The following WDR11 variants were observed in gnomAD, a reference collection of about 807,000 sequenced individuals.
The protein encoded by WDR11 is WD repeat-containing protein 11.
WDR11 carries 83 observed loss-of-function variants against 151.2 expected under a neutral mutation model. The ratio of observed to expected loss-of-function variants is 0.55; its 90% CI spans 0.46 to 0.66. The LOEUF (loss-of-function observed/expected upper bound fraction) is 0.66, where lower values mean the gene tolerates loss of function less well. Among genes scored for constraint, WDR11 ranks in the 30% least tolerant of loss-of-function variants. The probability of loss-of-function intolerance (pLI) is 0.00; values close to 1 mark genes in which losing one functional copy is unlikely to be tolerated. For synonymous variants in WDR11, 484 were observed against 533.1 expected, an observed-to-expected ratio of 0.91 and a Z score of 1.27; for missense variants, 1,301 against 1,480.9, an observed-to-expected ratio of 0.88 and a Z score of 1.99.
chr10:120,871,200 C>T lies in WDR11; in HGVS notation c.1325C>T (p.Pro442Leu), dbSNP rs775582830. 6.2e-7 allele frequency: 1 copy of T among 1,613,984 alleles called. No individual in the cohort carries two copies. The highest frequency in any genetic ancestry group is 8.5e-7 in the Non-Finnish European group (1 of 1,179,990). The change falls in exon 10 of 29, where the codon CCC becomes CTC. Residue 442 changes from proline to leucine, a missense_variant. Pro to Leu is a moderately conservative substitution (Grantham distance 98, BLOSUM62 -3). Transcript: ENST00000263461. Reference sequence around the variant, plus strand: ...AGTGCAATTGCTGGGGAAGAACATCCCAGAGGTTCAATTCTGCGGGAAGTG... The same window carrying T: ...AGTGCAATTGCTGGGGAAGAACATCTCAGAGGTTCAATTCTGCGGGAAGTG... Reference protein sequence around the residue: ...GQSAIAGEEHPRGSILREVHL... With the variant: ...GQSAIAGEEHLRGSILREVHL...
At chr10:120,876,008 C>T (rs1487563798) in intron 11 of WDR11, among the ~76,000 whole-genome samples, 13 of 93,888 alleles carry the variant, frequency 1.4e-4, no homozygotes, top group Admixed American at 3.2e-4. Context: ...GTTGGAGTTT[C>T]GCTCTTGTTG....
intron 4 of WDR11, 96 bp from the exon 5 acceptor site, chr10:120,862,639 A>C: frequency 3.2e-6 from 4 of 1,267,212 alleles, no homozygotes; most frequent in Non-Finnish European, 4.6e-6. Context: ...TATATTATTA[A>C]AATTATCACT....
At chr10:120,898,898 C>A (rs3781247) in intron 19 of WDR11, among the ~76,000 whole-genome samples, 56,571 of 151,998 alleles carry the variant, frequency 0.37, 10,620 homozygotes, top group Admixed American at 0.44. Flanking sequence ...CTTAAATAAG[C>A]CAACACCATG....
intron 2 of WDR11, among the ~76,000 whole-genome samples, chr10:120,857,885 C>T (rs1462602566): frequency 6.6e-6 from 1 of 151,864 alleles, no homozygotes; most frequent in Non-Finnish European, 1.5e-5. Flanking sequence ...CATGAATAGG[C>T]AAAAAGAATG....
At position 120,859,371 on chromosome 10, in the gene WDR11, C is replaced by T. The variant is rs561460437; in HGVS notation, c.352+575C>T. On this transcript the variant is annotated intron_variant, in intron 3 of 28. Transcript: ENST00000263461. ...CAAACTCTGCCTCCTGGGTTCACGC[C>T]ATTCTCCTGCCTCAGCCTCCCGAGT... Among the ~76,000 whole-genome samples, 17 of 151,300 alleles carry T rather than the reference C, an allele frequency of 1.1e-4. No homozygotes were observed. In the East Asian group the frequency reaches 2.9e-3, roughly 26 times the overall value.
At chr10:120,890,951 T>C (rs1330908353) in intron 19 of WDR11, 64 bp downstream of exon 19, 67 of 1,530,346 alleles carry the variant, frequency 4.4e-5, no homozygotes, top group Non-Finnish European at 9.0e-7. Flanking sequence ...GCTCTTGTAT[T>C]TTGGGGAGAG....
Position 120,904,536 on chromosome 10 carries a change from T to G in WDR11, c.3028-110T>G, listed in dbSNP as rs1317654610. 8 of 1,333,278 alleles carry G rather than the reference T, an allele frequency of 6.0e-6. No homozygotes were observed. The African/African-American group carries it at 1.0e-4, about 17-fold the overall frequency. 82.6% of individuals were successfully genotyped at this position (1,333,278 alleles called of 1,614,324 possible). A position where few individuals can be genotyped will look rare whatever the true frequency, so the allele number is the denominator to read the frequency against. ...TGTATTTGTAAACAAAATATTCAAT[T>G]GCATTTTTTGAAAATGAGTGTTTTC... On this transcript the variant is annotated intron_variant, in intron 24 of 28. Coordinates refer to ENST00000263461, the MANE Select transcript of WDR11 (RefSeq NM_018117.12).
intron 16 of WDR11, among the ~76,000 whole-genome samples, chr10:120,887,844 A>G (rs1276983238): frequency 2.6e-5 from 4 of 152,264 alleles, no homozygotes; most frequent in African/African-American, 9.6e-5. Flanking sequence ...TTCAAAGGCA[A>G]CTTCTTAATT....
intron 15 of WDR11, among the ~76,000 whole-genome samples, 186 bp from the exon 16 acceptor site, chr10:120,886,503 T>A (rs1281803011): frequency 6.6e-6 from 1 of 152,178 alleles, no homozygotes; most frequent in African/African-American, 2.4e-5. Flanking sequence ...TCCTCTGATG[T>A]TGTGGCTGTT....
chr10:120,851,458 G>A lies in WDR11; in HGVS notation c.38G>A (p.Arg13His). The change falls in exon 1 of 29, where the codon CGC becomes CAC. Residue 13 changes from arginine to histidine, a missense_variant. By Grantham distance (29) the Arg-to-His change is conservative (BLOSUM62 0). Around this residue, in one of 3 missense-constraint regions of WDR11, gnomAD observed 692 missense variants for 762.5 expected, o/e 0.91. Coordinates refer to ENST00000263461, the MANE Select transcript of WDR11 (RefSeq NM_018117.12). ...ACAGTGAACTTCAAGGTGTCGGCGC[G>A]CACCCTCACGGGGGCCCTCAACGCC... is the stretch of plus-strand genomic sequence containing the variant. ...PYTVNFKVSA[R>H]TLTGALNAHN... 6.2e-7 allele frequency: 1 copy of A among 1,612,150 alleles called. No individual in the cohort carries two copies. Among genetic ancestry groups the A allele is most frequent in the South Asian group, 1.1e-5 (1 of 90,594 alleles).
Position 120,908,797 on chromosome 10 carries a change from A to G in WDR11, c.*84A>G. 2.0e-6 allele frequency: 3 copies of G among 1,490,470 alleles called. No homozygotes were observed. The highest frequency in any genetic ancestry group is 1.1e-5 in the South Asian group (1 of 88,324). 92.3% of individuals were successfully genotyped at this position (1,490,470 alleles called of 1,614,324 possible). A position where few individuals can be genotyped will look rare whatever the true frequency, so the allele number is the denominator to read the frequency against. On this transcript the variant is annotated 3_prime_UTR_variant, in exon 29 of 29. Coordinates refer to ENST00000263461, the MANE Select transcript of WDR11 (RefSeq NM_018117.12). ...GCTGTGGCCACCGTCACAGTCCAGG[A>G]TGAAGAGGAGTACAGGGTCCTGTGA...
At chr10:120,871,841 G>A (rs556148829) in intron 10 of WDR11, among the ~76,000 whole-genome samples, 1 of 152,276 alleles carries the variant, frequency 6.6e-6, no homozygotes, top group East Asian at 1.9e-4. Context: ...CTTTTGGTGT[G>A]AAATTGTGTA....
chr10:120,902,461 G>C, intron 22 of WDR11, 139 bp downstream of exon 22: 1 of 760,856 alleles, frequency 1.3e-6, no homozygotes, highest in Non-Finnish European at 2.2e-6. Flanking sequence ...AAATAATTTT[G>C]ACAGTAGTAA....
intron 12 of WDR11, chr10:120,880,532 G>A (rs879716143): frequency 7.8e-5 from 27 of 347,656 alleles, no homozygotes; most frequent in Admixed American, 2.9e-4. Context: ...GGTGGCGAGC[G>A]CCTGTAATCC....
intron 26 of WDR11, 191 bp downstream of exon 26, chr10:120,905,607 G>A (rs1166543674): frequency 1.3e-6 from 1 of 770,782 alleles, no homozygotes; most frequent in Non-Finnish European, 2.1e-6. Flanking sequence ...AATGGATCTT[G>A]CATTGGTAGC....
intron 11 of WDR11, among the ~76,000 whole-genome samples, chr10:120,874,993 G>A (rs1005246411): frequency 1.3e-5 from 2 of 151,388 alleles, no homozygotes; most frequent in Admixed American, 1.3e-4. Flanking sequence ...AGGCCCCAGT[G>A]TGTGATGTTC....
At chr10:120,877,162 C>T (rs982805745) in intron 11 of WDR11, among the ~76,000 whole-genome samples, 1 of 152,086 alleles carries the variant, frequency 6.6e-6, no homozygotes, top group South Asian at 2.1e-4. Context: ...ATAGATGTCA[C>T]TAAATACTTG....
chr10:120,855,345 A>G (rs910227555), intron 2 of WDR11, among the ~76,000 whole-genome samples: 3 of 152,160 alleles, frequency 2.0e-5, no homozygotes, highest in African/African-American at 7.2e-5. Context: ...TCATCATGCT[A>G]TTCAGAAAAG....
At chr10:120,865,593 T>A in intron 6 of WDR11, 37 bp from the exon 7 acceptor site, 1 of 1,355,642 alleles carries the variant, frequency 7.4e-7, no homozygotes, top group South Asian at 1.2e-5. Context: ...TATTAATCTA[T>A]TGTGTTTTAA....
Sources: allele counts gnomAD v4.1 joint callset (sites outside exome capture counted in the v4.1 genomes callset), GRCh38; gene constraint gnomAD v4.1.1; regional missense constraint gnomAD v4.1.1; transcripts MANE v1.5; gene names NCBI Gene and HGNC (gene_info 2026-07-23, HGNC 2026-07-21).